The following TEX9 variants were observed in gnomAD, a reference collection of about 807,000 sequenced individuals.
The protein encoded by TEX9 is testis-expressed protein 9.
Under a neutral mutation model 59.6 loss-of-function variants are expected in TEX9, and 74 were observed. The observed-to-expected ratio is 1.24, with a 90% CI of 1.03 to 1.51. TEX9 has a LOEUF of 1.51. TEX9 is among the 40% of genes most tolerant of loss of function. The pLI, the probability that TEX9 is intolerant of heterozygous loss-of-function variation, is 0.00. For missense variants in TEX9, 522 were observed against 447.8 expected (o/e 1.17, Z -1.49); for synonymous variants, 186 against 152.2 (o/e 1.22, Z -1.64).
chr15:56,390,986 C>T (rs937702053), intron 6 of TEX9, among the ~76,000 whole-genome samples: 2 of 151,994 alleles, frequency 1.3e-5, no homozygotes, highest in African/African-American at 2.4e-5. Flanking sequence ...TTCATAAAAA[C>T]CAAAAATCTG....
intron 1 of TEX9, among the ~76,000 whole-genome samples, chr15:56,273,569 CT>C (rs1231632857): frequency 6.6e-6 from 1 of 152,128 alleles, no homozygotes; most frequent in Non-Finnish European, 1.5e-5. Context: ...AGTCTTTTAT[CT>C]TTGTCATTTC....
chr15:56,425,844 G>A (rs138060605), intron 10 of TEX9, among the ~76,000 whole-genome samples: 257 of 152,206 alleles, frequency 1.7e-3, no homozygotes, highest in African/African-American at 5.8e-3. Context: ...CAGTCTTGCA[G>A]ACTGGCTGCA....
chr15:56,320,536 T>C (rs1368377383), intron 1 of TEX9, among the ~76,000 whole-genome samples: 1 of 152,086 alleles, frequency 6.6e-6, no homozygotes, highest in Admixed American at 6.6e-5. Context: ...AGAGCACATA[T>C]GCATGAGAGA....
intron 1 of TEX9, among the ~76,000 whole-genome samples, chr15:56,321,636 A>G (rs2045906736): frequency 6.6e-6 from 1 of 152,226 alleles, no homozygotes; most frequent in Admixed American, 6.5e-5. Flanking sequence ...CCAGGCCAGC[A>G]TGGAAATTAT....
In TEX9 at chr15:56,394,238, C is replaced by A; in HGVS notation, c.645C>A (p.Cys215Ter). The A allele has an allele frequency of 6.2e-7, 1 of 1,600,860 alleles. No homozygotes were observed. Among genetic ancestry groups the A allele is most frequent in the Non-Finnish European group, 8.5e-7 (1 of 1,174,968 alleles). Residue 215 changes from cysteine to a stop codon, truncating the protein, a stop_gained, in exon 8 of 13, where the codon TGC becomes TGA. Transcript: ENST00000352903. LOFTEE classifies it high-confidence loss of function. ...AATTGGATAATGTTGTATGTGAATG[C>A]AATAAAAAGGTAAGTTTTAAAAACC...
intron 3 of TEX9, among the ~76,000 whole-genome samples, chr15:56,378,730 A>G (rs576269765): frequency 2.0e-5 from 3 of 151,410 alleles, no homozygotes; most frequent in Admixed American, 6.6e-5. Context: ...CTTTTCTTCT[A>G]CTAATTTTGG....
chr15:56,420,891 T>C (rs1183388976), intron 10 of TEX9, among the ~76,000 whole-genome samples: 4 of 151,922 alleles, frequency 2.6e-5, no homozygotes, highest in South Asian at 2.1e-4. Flanking sequence ...TTTAATTCCA[T>C]TGTGGACAGA....
chr15:56,433,262 TG>T (rs1169384436), intron 12 of TEX9, among the ~76,000 whole-genome samples: 30 of 70,380 alleles, frequency 4.3e-4, no homozygotes, highest in African/African-American at 1.5e-3. Context: ...TGTCGGGGGG[TG>T]GGGGGGACAA....
the TEX9 span, among the ~76,000 whole-genome samples, chr15:56,455,796 C>A: frequency 4.6e-5 from 7 of 151,890 alleles, no homozygotes; most frequent in African/African-American, 1.5e-4. Flanking sequence ...GAGAAGAAAC[C>A]AGGATGATGA....
At chr15:56,443,673 C>G (rs769368608) in intron 12 of TEX9, 11 of 1,613,358 alleles carry the variant, frequency 6.8e-6, no homozygotes, top group South Asian at 1.1e-5. Flanking sequence ...TCCTCATTTT[C>G]TTGAACTTTT....
At chr15:56,342,549 T>C (rs77712311) in intron 1 of TEX9, among the ~76,000 whole-genome samples, 6,693 of 152,254 alleles carry the variant, frequency 0.044, 226 homozygotes, top group Admixed American at 0.086. Flanking sequence ...TAAGCTCTTA[T>C]GTGCAGGAGA....
chr15:56,436,160 T>C lies in TEX9; in HGVS notation c.*29+7687T>C, dbSNP rs1370943962. Among the ~76,000 whole-genome samples, 3 of 152,178 alleles carry C rather than the reference T, an allele frequency of 2.0e-5. No homozygotes were observed. In the East Asian group the frequency reaches 5.8e-4, roughly 29 times the overall value. On this transcript the variant is annotated intron_variant, in intron 12 of 12. Coordinates refer to ENST00000352903, the Ensembl canonical transcript of TEX9. ...CAAATCAACAGAATATACATTCTTC[T>C]CAGCACCACACCGCACTTATTCCAA...
At chr15:56,256,232 T>C (rs529874875) in intron 1 of TEX9, among the ~76,000 whole-genome samples, 1 of 152,058 alleles carries the variant, frequency 6.6e-6, no homozygotes, top group Non-Finnish European at 1.5e-5. Flanking sequence ...TATCATCTCA[T>C]GTCACAGATG....
chr15:56,338,537 T>G (rs976152986), intron 1 of TEX9, among the ~76,000 whole-genome samples: 2 of 151,438 alleles, frequency 1.3e-5, no homozygotes, highest in African/African-American at 2.4e-5. Flanking sequence ...GCTGAGGCAC[T>G]TTGGGTGAGA....
Position 56,249,742 on chromosome 15 carries a change from CAAAA to C in TEX9, c.-107+5487_-107+5490del, listed in dbSNP as rs11440856. On this transcript the variant is annotated intron_variant, in intron 1 of 5. Coordinates refer to the TEX9 transcript ENST00000560827. ...TGGGCGACACAGTGAGGATCTGTCT[CAAAA>C]AAAAAAAAAAAAAAAAAAAAAAGAG... Among the ~76,000 whole-genome samples, 6 of 25,472 alleles carry C rather than the reference CAAAA, an allele frequency of 2.4e-4. 1 individual carries two copies. Among genetic ancestry groups the C allele is most frequent in the African/African-American group, 5.7e-4 (4 of 6,964 alleles). 16.7% of individuals were successfully genotyped at this position (25,472 alleles called of 152,430 possible). A position where few individuals can be genotyped will look rare whatever the true frequency, so the allele number is the denominator to read the frequency against.
chr15:56,386,499 G>A (rs77127164), intron 4 of TEX9, among the ~76,000 whole-genome samples: 93 of 152,028 alleles, frequency 6.1e-4, no homozygotes, highest in Non-Finnish European at 9.4e-4. Flanking sequence ...GTATTACAGT[G>A]GTGAGTAAAC....
In TEX9 at chr15:56,394,751, C is replaced by T; in HGVS notation, c.745C>T (p.Gln249Ter). 1.2e-6 allele frequency: 2 copies of T among 1,612,586 alleles called. No homozygotes were observed. Among genetic ancestry groups the T allele is most frequent in the Non-Finnish European group, 1.7e-6 (2 of 1,179,428 alleles). The change falls in exon 9 of 13, where the codon CAA (glutamine) becomes TAA (stop). Residue 249 changes from glutamine (Q) to a stop codon, truncating the protein, a stop_gained. Coordinates refer to ENST00000352903, the Ensembl canonical transcript of TEX9. LOFTEE classifies it high-confidence loss of function. ...GCGAACAATTAATATGCAACAGTCT[C>T]AAGTAGAAAAATACAAAACTCTTTT...
intron 1 of TEX9, among the ~76,000 whole-genome samples, chr15:56,269,820 A>C (rs2141386340): frequency 6.6e-6 from 1 of 151,712 alleles, no homozygotes; most frequent in Middle Eastern, 3.4e-3. Context: ...ACACCTGGAT[A>C]ATTTTTTTTG....
chr15:56,387,300 G>A (rs1172060226), intron 4 of TEX9, among the ~76,000 whole-genome samples: 1 of 151,866 alleles, frequency 6.6e-6, no homozygotes, highest in Non-Finnish European at 1.5e-5. Flanking sequence ...GAAAGGTACA[G>A]AAAATGTACT....
Sources: gnomAD v4.1 joint callset for allele counts (sites outside exome capture counted in the v4.1 genomes callset) on GRCh38, gnomAD v4.1.1 for gene constraint, MANE v1.5 for transcripts, NCBI Gene and HGNC (gene_info 2026-07-23, HGNC 2026-07-21) for gene names.